The following PDE1C variants were observed in gnomAD, a reference collection of about 807,000 sequenced individuals.
The protein encoded by PDE1C is dual specificity calcium/calmodulin-dependent 3',5'-cyclic nucleotide phosphodiesterase 1C.
A neutral mutation model predicts 93.1 loss-of-function variants in PDE1C; 62 were observed. That is an observed-to-expected ratio of 0.67 (90% CI 0.54 to 0.82). The LOEUF (loss-of-function observed/expected upper bound fraction) is 0.82, where lower values mean the gene tolerates loss of function less well. PDE1C is among the 40% of genes least tolerant of loss of function. The pLI is 0.00. For missense variants in PDE1C, 742 were observed against 884.6 expected (o/e 0.84, Z 2.04); for synonymous variants, 325 against 310.1 (o/e 1.05, Z -0.50).
rs114416339 is a variant in PDE1C at position 32,173,958 on chromosome 7, G to T, written c.137-4002C>A. On this transcript the variant is annotated intron_variant, in intron 2 of 18. Coordinates refer to the PDE1C transcript ENST00000396193. ...CTCCCTTGGGGTGTCCATCCAAACTGCTTGTGTCTATCAAGAGAAAATTAA... is the reference window on the plus strand; with the variant it reads ...CTCCCTTGGGGTGTCCATCCAAACTTCTTGTGTCTATCAAGAGAAAATTAA... Among the ~76,000 whole-genome samples the T allele has an allele frequency of 6.3e-3, 953 of 152,210 alleles. 9 individuals carry two copies. The highest frequency in any genetic ancestry group is 0.022 in the African/African-American group (920 of 41,524).
chr7:31,779,353 C>G (rs192665444), intron 16 of PDE1C, among the ~76,000 whole-genome samples: 169 of 152,244 alleles, frequency 1.1e-3, no homozygotes, highest in African/African-American at 3.9e-3. Flanking sequence ...TGTAGAAACG[C>G]TATTGCCAGG....
At chr7:31,947,902 C>A (rs1199912932) in intron 2 of PDE1C, among the ~76,000 whole-genome samples, 1 of 152,192 alleles carries the variant, frequency 6.6e-6, no homozygotes, top group Non-Finnish European at 1.5e-5. Context: ...AAAGTCCACT[C>A]TAGCTATATT....
intron 3 of PDE1C, among the ~76,000 whole-genome samples, chr7:32,099,377 A>C (rs1340654845): frequency 6.6e-6 from 1 of 152,232 alleles, no homozygotes; most frequent in African/African-American, 2.4e-5. Flanking sequence ...TTTCCAATAC[A>C]TAACTGTGTG....
chr7:31,954,027 C>G (rs562530211), intron 2 of PDE1C, among the ~76,000 whole-genome samples: 1 of 152,140 alleles, frequency 6.6e-6, no homozygotes, highest in African/African-American at 2.4e-5. Flanking sequence ...TGTAAGTAAG[C>G]AAAACTCATG....
chr7:31,753,503 A>G lies in PDE1C; in HGVS notation c.2011T>C (p.Ser671Pro). 1 of 1,612,230 alleles carries G rather than the reference A, an allele frequency of 6.2e-7. No individual in the cohort carries two copies. Among genetic ancestry groups the G allele is most frequent in the Non-Finnish European group, 8.5e-7 (1 of 1,179,562 alleles). ...HFKRPAYASS[S>P]YAPSVSKKTD... ...TTCTTTGAGACTGAAGGTGCATAGG[A>G]GCTAGATGCGTAAGCAGGGCGTTTA... The change falls in exon 18 of 18, where the codon TCC (serine) becomes CCC (proline). Residue 671 changes from serine (S) to proline (P), a missense_variant. This residue lies in a region of PDE1C where 454 missense variants were observed against 459.4 expected (regional missense o/e 0.99). Coordinates refer to ENST00000396191, the MANE Select transcript of PDE1C (RefSeq NM_001191057.4).
chr7:32,210,691 ATAAGGCCAATTACTAAT>A (rs1471595838), intron 1 of PDE1C, among the ~76,000 whole-genome samples: 1 of 152,186 alleles, frequency 6.6e-6, no homozygotes, highest in East Asian at 1.9e-4. Flanking sequence ...TCTATTACTA[ATAAGGCCAATTACTAAT>A]TTGGGCAATT....
At chr7:32,342,795 G>A (rs1224500213) in intron 1 of PDE1C, among the ~76,000 whole-genome samples, 1 of 152,138 alleles carries the variant, frequency 6.6e-6, no homozygotes, top group Non-Finnish European at 1.5e-5. Context: ...GCTTAAATAA[G>A]TTAACAAACA....
At chr7:31,886,142 C>G (rs1319400829) in intron 2 of PDE1C, among the ~76,000 whole-genome samples, 1 of 152,186 alleles carries the variant, frequency 6.6e-6, no homozygotes, top group African/African-American at 2.4e-5. Flanking sequence ...ATCATGAGCC[C>G]TAAAAACTCA....
the PDE1C span, chr7:31,643,978 G>A: frequency 6.4e-7 from 1 of 1,573,618 alleles, no homozygotes. Context: ...TGGCAAAGAT[G>A]GAAAGGCAGA....
the PDE1C span, among the ~76,000 whole-genome samples, chr7:31,630,711 T>C: frequency 6.6e-6 from 1 of 152,080 alleles, no homozygotes; most frequent in Non-Finnish European, 1.5e-5. Context: ...ATAGATGGAA[T>C]AAATGAACCT....
At chr7:31,873,559 T>G in intron 5 of PDE1C, 151 bp from the exon 6 acceptor site, 1 of 605,554 alleles carries the variant, frequency 1.7e-6, no homozygotes, top group Non-Finnish European at 3.0e-6. Context: ...CTTTTTCCAA[T>G]CTGGCTAGTC....
At chr7:31,642,699 C>G in the PDE1C span, 1 of 1,613,416 alleles carries the variant, frequency 6.2e-7, no homozygotes, top group Non-Finnish European at 8.5e-7. Context: ...CCTTGCCAAA[C>G]AGCCAGAGTC....
chr7:31,905,017 A>G (rs1328172000), intron 2 of PDE1C, among the ~76,000 whole-genome samples: 4 of 152,150 alleles, frequency 2.6e-5, no homozygotes, highest in African/African-American at 9.7e-5. Flanking sequence ...ACTGTGGAGA[A>G]TACAGGTGAA....
chr7:31,643,533 G>T, the PDE1C span: 1 of 1,614,046 alleles, frequency 6.2e-7, no homozygotes, highest in East Asian at 2.2e-5. Context: ...CGGCTGCTCA[G>T]AGGGCTGTGG....
chr7:32,008,445 C>G (rs1179628647), intron 2 of PDE1C, among the ~76,000 whole-genome samples: 1 of 152,184 alleles, frequency 6.6e-6, no homozygotes, highest in Non-Finnish European at 1.5e-5. Context: ...GAGGTCCAGT[C>G]TCTGATGAAC....
chr7:32,354,343 TG>T (rs1469905677), intron 1 of PDE1C, among the ~76,000 whole-genome samples: 1 of 152,166 alleles, frequency 6.6e-6, no homozygotes, highest in African/African-American at 2.4e-5. Flanking sequence ...TTTAAAAGTT[TG>T]GGCCAGGTGC....
chr7:32,159,253 T>C (rs117085428), intron 3 of PDE1C, among the ~76,000 whole-genome samples: 4,620 of 152,270 alleles, frequency 0.03, 85 homozygotes, highest in Non-Finnish European at 0.045. Flanking sequence ...AGAGAAATTT[T>C]AATAAGAAGG....
chr7:31,620,023 A>T, the PDE1C span, among the ~76,000 whole-genome samples: 1 of 152,190 alleles, frequency 6.6e-6, no homozygotes, highest in Non-Finnish European at 1.5e-5. Flanking sequence ...GCAGTCTGAG[A>T]TCAAACTGCA....
chr7:32,059,656 A>G (rs932862881), intron 1 of PDE1C, among the ~76,000 whole-genome samples: 1 of 152,198 alleles, frequency 6.6e-6, no homozygotes, highest in Non-Finnish European at 1.5e-5. Flanking sequence ...CCCCTCCCCA[A>G]AGAAAGCTGA....
Sources: gnomAD v4.1 joint callset for allele counts (sites outside exome capture counted in the v4.1 genomes callset) on GRCh38, gnomAD v4.1.1 for gene constraint, gnomAD v4.1.1 regional missense constraint, MANE v1.5 for transcripts, NCBI Gene and HGNC (gene_info 2026-07-23, HGNC 2026-07-21) for gene names.